SOS1: variants seen among roughly 807,000 people sequenced by gnomAD.
The protein encoded by SOS1 is son of sevenless homolog 1.
In SOS1, 25 loss-of-function variants were observed where a neutral mutation model predicts 157.6. The observed-to-expected ratio is 0.16, with a 90% CI of 0.12 to 0.22. SOS1 has a LOEUF of 0.22. Ranked by LOEUF, SOS1 falls within the 10% of genes least tolerant of loss-of-function variation. The pLI is 1.00. For synonymous variants in SOS1, 528 were observed against 534.0 expected (o/e 0.99, Z 0.16); for missense variants, 1,237 against 1,599.1 (o/e 0.77, Z 3.86).
At chr2:39,062,847 A>C (rs969757375) in intron 2 of SOS1, among the ~76,000 whole-genome samples, 7 of 152,030 alleles carry the variant, frequency 4.6e-5, no homozygotes, top group Non-Finnish European at 1.0e-4. Flanking sequence ...CAAAGTTTAA[A>C]TACAGAAAAT....
intron 6 of SOS1, 151 bp from the exon 7 acceptor site, chr2:39,035,651 GAA>G: frequency 1.5e-6 from 1 of 651,720 alleles, no homozygotes; most frequent in Non-Finnish European, 2.7e-6. Context: ...AATTTTAATA[GAA>G]GAGATCCCAA....
Position 39,096,505 on chromosome 2 carries a change from A to C in SOS1, c.87+23831T>G, listed in dbSNP as rs1014748015. ...GTAAAATAATCAAATAGCATTTAGC[A>C]CAGAATCAAGTCATTTCAAATATCT... On this transcript the variant is annotated intron_variant, in intron 1 of 22. Transcript: ENST00000402219. Among the ~76,000 whole-genome samples the C allele has an allele frequency of 3.9e-5, 6 of 152,232 alleles. No individual in the cohort carries two copies. In the South Asian group the frequency reaches 8.3e-4, roughly 21 times the overall value.
At chr2:39,047,858 G>C (rs867724245) in intron 6 of SOS1, among the ~76,000 whole-genome samples, 1 of 152,126 alleles carries the variant, frequency 6.6e-6, no homozygotes, top group Non-Finnish European at 1.5e-5. Context: ...AATAGAGACA[G>C]GGTTTCACCA....
intron 17 of SOS1, among the ~76,000 whole-genome samples, chr2:39,000,271 C>T (rs139117512): frequency 1.3e-5 from 2 of 152,260 alleles, no homozygotes; most frequent in Non-Finnish European, 2.9e-5. Context: ...CAGTGGTGTC[C>T]AAACTTTGAT....
intron 1 of SOS1, among the ~76,000 whole-genome samples, chr2:39,077,900 A>C (rs1672070705): frequency 6.6e-6 from 1 of 152,222 alleles, no homozygotes. Flanking sequence ...GTTAGGAAAG[A>C]ATTTATTTAG....
At chr2:39,039,299 T>G (rs911353450) in intron 6 of SOS1, among the ~76,000 whole-genome samples, 1 of 152,256 alleles carries the variant, frequency 6.6e-6, no homozygotes, top group East Asian at 1.9e-4. Flanking sequence ...GAGGTATGCC[T>G]GTATAACTTA....
intron 16 of SOS1, among the ~76,000 whole-genome samples, chr2:39,006,828 T>C (rs1669296740): frequency 6.6e-6 from 1 of 152,224 alleles, no homozygotes; most frequent in South Asian, 2.1e-4. Context: ...TAGCTTAGGC[T>C]GGGACCTGTG....
At chr2:39,074,947 C>T (rs1036848202) in intron 1 of SOS1, among the ~76,000 whole-genome samples, 1 of 150,870 alleles carries the variant, frequency 6.6e-6, no homozygotes, top group African/African-American at 2.4e-5. Flanking sequence ...GGACCATGGA[C>T]CAAAAAGTAC....
At chr2:39,102,115 G>C (rs1411322591) in intron 1 of SOS1, among the ~76,000 whole-genome samples, 1 of 138,394 alleles carries the variant, frequency 7.2e-6, no homozygotes, top group African/African-American at 2.7e-5. Context: ...TGAGGCAGGA[G>C]AATCACTTGA....
intron 6 of SOS1, among the ~76,000 whole-genome samples, chr2:39,036,698 C>T (rs533675609): frequency 1.3e-4 from 20 of 152,258 alleles, no homozygotes; most frequent in African/African-American, 4.6e-4. Context: ...CTCAGCCTCC[C>T]GAGTAGCTGG....
chr2:39,024,974 G>A (rs1316707732), intron 8 of SOS1, among the ~76,000 whole-genome samples: 1 of 152,144 alleles, frequency 6.6e-6, no homozygotes, highest in African/African-American at 2.4e-5. Context: ...TACTTAACAA[G>A]AACTAAGTCA....
chr2:39,039,015 A>G (rs927005355), intron 6 of SOS1, among the ~76,000 whole-genome samples: 2 of 152,092 alleles, frequency 1.3e-5, no homozygotes, highest in African/African-American at 4.8e-5. Context: ...AGTCACCCCA[A>G]CCTTCAGCAG....
chr2:39,046,740 T>C (rs1348977263), intron 6 of SOS1, among the ~76,000 whole-genome samples: 1 of 152,000 alleles, frequency 6.6e-6, no homozygotes, highest in East Asian at 1.9e-4. Flanking sequence ...TGAGCTCAAG[T>C]GACCTGCCCA....
chr2:39,061,383 T>G (rs1671397197), intron 2 of SOS1, among the ~76,000 whole-genome samples: 1 of 152,084 alleles, frequency 6.6e-6, no homozygotes, highest in African/African-American at 2.4e-5. Flanking sequence ...TTATATTTCT[T>G]TACTTTTTAT....
At chr2:39,120,033 T>A (rs1177914436) in intron 1 of SOS1, among the ~76,000 whole-genome samples, 4 of 152,164 alleles carry the variant, frequency 2.6e-5, no homozygotes, top group African/African-American at 9.6e-5. Flanking sequence ...TGACCTCCGC[T>A]GAAAACTGAG....
chr2:39,084,065 A>C (rs1672293893), intron 1 of SOS1, among the ~76,000 whole-genome samples: 1 of 152,182 alleles, frequency 6.6e-6, no homozygotes, highest in Non-Finnish European at 1.5e-5. Flanking sequence ...CAGGGAGAAG[A>C]CAGCCATCTA....
chr2:38,991,048 G>T (rs1668717327), intron 20 of SOS1, among the ~76,000 whole-genome samples: 1 of 152,158 alleles, frequency 6.6e-6, no homozygotes, highest in African/African-American at 2.4e-5. Flanking sequence ...CCTATGGGAA[G>T]TTTTTAAAAA....
chr2:39,047,740 G>C (rs1033461042), intron 6 of SOS1, among the ~76,000 whole-genome samples: 2 of 152,098 alleles, frequency 1.3e-5, no homozygotes, highest in Non-Finnish European at 2.9e-5. Context: ...GTGTGCTCTT[G>C]GCTCACTGCA....
Position 38,997,325 on chromosome 2 carries a change from T to C in SOS1, c.2892A>G (p.Val964=), listed in dbSNP as rs1252013984. The change falls in exon 18 of 23, where the codon GTA becomes GTG. Residue 964 remains valine (V), a synonymous_variant. Coordinates refer to ENST00000402219, the MANE Select transcript of SOS1 (RefSeq NM_005633.4). ...ELINFSKRRK[V]AEITGEIQQY... ...GCTGGATCTCTCCTGTTATTTCTGC[T>C]ACTTTCCTCCTTTTGCTAAAGTTTA... 1.2e-6 allele frequency: 2 copies of C among 1,613,176 alleles called. No individual in the cohort carries two copies. The highest frequency in any genetic ancestry group is 8.5e-7 in the Non-Finnish European group (1 of 1,179,296).
Sources: allele counts gnomAD v4.1 joint callset (sites outside exome capture counted in the v4.1 genomes callset), GRCh38; gene constraint gnomAD v4.1.1; transcripts MANE v1.5; gene names NCBI Gene and HGNC (gene_info 2026-07-23, HGNC 2026-07-21).